Variants in CHAF1A observed in about 807,000 individuals in gnomAD.
CHAF1A encodes chromatin assembly factor 1 subunit A.
A neutral mutation model predicts 93.2 loss-of-function variants in CHAF1A; 5 were observed. That is an observed-to-expected ratio of 0.05 (90% CI 0.03 to 0.11). The LOEUF is 0.11. Among genes scored for constraint, CHAF1A ranks in the 10% least tolerant of loss-of-function variants. CHAF1A has a pLI of 1.00. For synonymous variants in CHAF1A, 504 were observed against 510.3 expected (o/e 0.99, Z 0.17); for missense variants, 1,102 against 1,259.9 (o/e 0.87, Z 1.90).
intron 3 of CHAF1A, among the ~76,000 whole-genome samples, chr19:4,415,554 G>A (rs531555423): frequency 6.6e-6 from 1 of 152,230 alleles, no homozygotes; most frequent in South Asian, 2.1e-4. Context: ...CCCTCAGCGT[G>A]GGGGAGAGGC....
At chr19:4,448,125 G>T, downstream of CHAF1A, 4 of 607,882 alleles carry the variant, frequency 6.6e-6, no homozygotes, top group Non-Finnish European at 1.2e-5. Flanking sequence ...TTTGCACACG[G>T]GTAAACTGAG....
chr19:4,424,619 C>T (rs1265030098), intron 7 of CHAF1A, among the ~76,000 whole-genome samples: 3 of 152,048 alleles, frequency 2.0e-5, no homozygotes, highest in African/African-American at 4.8e-5. Context: ...CATGTGCCAC[C>T]ATGCCTGGCT....
chr19:4,409,886 C>A, intron 3 of CHAF1A, 127 bp downstream of exon 3: 1 of 1,049,882 alleles, frequency 9.5e-7, no homozygotes, highest in Non-Finnish European at 1.4e-6. Context: ...TCCTGGGACT[C>A]GACGTGGAGT....
chr19:4,448,719 C>G (rs1035047980), downstream of CHAF1A: 3 of 403,856 alleles, frequency 7.4e-6, no homozygotes, highest in African/African-American at 6.1e-5. Context: ...CACACTCTGG[C>G]TTTAGAACTC....
chr19:4,439,256 G>C (rs1035406155), intron 13 of CHAF1A, among the ~76,000 whole-genome samples: 1 of 151,836 alleles, frequency 6.6e-6, no homozygotes, highest in Admixed American at 6.6e-5. Context: ...ACTCCAGCCT[G>C]GGCAACAGAG....
At chr19:4,425,285 C>T (rs1422664795) in intron 7 of CHAF1A, among the ~76,000 whole-genome samples, 1 of 152,088 alleles carries the variant, frequency 6.6e-6, no homozygotes, top group East Asian at 1.9e-4. Flanking sequence ...GAGTATTGCT[C>T]TGTCACCCAT....
downstream of CHAF1A, chr19:4,445,690 G>A (rs1049559915): frequency 7.4e-5 from 117 of 1,572,828 alleles, 1 homozygote; most frequent in African/African-American, 6.3e-4. Context: ...GGAACTCAGC[G>A]GGCAACCTGG....
At chr19:4,420,928 G>A (rs1314319859) in intron 4 of CHAF1A, among the ~76,000 whole-genome samples, 2 of 152,060 alleles carry the variant, frequency 1.3e-5, no homozygotes, top group East Asian at 3.9e-4. Context: ...GCCAGGTGTG[G>A]TGACAGGTGC....
At chr19:4,408,461 C>CCTTTTTTTT (rs1973725517) in intron 2 of CHAF1A, among the ~76,000 whole-genome samples, 1 of 36,012 alleles carries the variant, frequency 2.8e-5, no homozygotes, top group Non-Finnish European at 4.3e-5. Context: ...CGCACCCGGC[C>CCTTTTTTTT]TTTTTTTTTT....
At chr19:4,439,055 C>T (rs1599664775) in intron 13 of CHAF1A, among the ~76,000 whole-genome samples, 1 of 151,600 alleles carries the variant, frequency 6.6e-6, no homozygotes, top group Non-Finnish European at 1.5e-5. Context: ...CCGAGGCAGG[C>T]GGATCACTTG....
rs778745865 is a variant in CHAF1A, at chr19:4,432,226, A to G, written c.2203+19A>G. 1.9e-6 allele frequency: 3 copies of G among 1,582,172 alleles called. No individual in the cohort carries two copies. Among genetic ancestry groups the G allele is most frequent in the Admixed American group, 1.7e-5 (1 of 58,454 alleles). ...GAGCAGAGTGAGTGTGGGCGGGGCC[A>G]GGCCACCCACCTGTTCCTGGGCCCA... On this transcript the variant is annotated intron_variant, in intron 12 of 14. Transcript: ENST00000301280.
intron 8 of CHAF1A, chr19:4,429,128 G>A: frequency 3.4e-6 from 2 of 590,986 alleles, no homozygotes; most frequent in South Asian, 4.2e-5. Flanking sequence ...TTTCCCTGCT[G>A]GTCTCCAGTG....
rs1974189027 is a variant in CHAF1A, at chr19:4,431,894, G to A, written c.1948-58G>A. 3 of 1,543,044 alleles carry A rather than the reference G, an allele frequency of 1.9e-6. No individual in the cohort carries two copies. In the Admixed American group the frequency reaches 5.9e-5, roughly 30 times the overall value. Reference sequence around the variant, plus strand: ...GGCTGGGGACTGGTTCCTCAAAAGAGTGCCCGGGCATAGGGGAGCAAGAAC... The same window carrying A: ...GGCTGGGGACTGGTTCCTCAAAAGAATGCCCGGGCATAGGGGAGCAAGAAC... On this transcript the variant is annotated intron_variant, in intron 11 of 14. Transcript: ENST00000301280.
chr19:4,432,348 A>G lies in CHAF1A; in HGVS notation c.2203+141A>G, dbSNP rs879307706. The G allele has an allele frequency of 6.0e-5, 59 of 983,284 alleles. No homozygotes were observed. In the East Asian group the frequency reaches 1.5e-3, roughly 25 times the overall value. The allele number at this position is 983,284 out of a possible 1,614,324, so 60.9% of individuals were successfully genotyped here. On this transcript the variant is annotated intron_variant, in intron 12 of 14. Coordinates refer to ENST00000301280, the MANE Select transcript of CHAF1A (RefSeq NM_005483.3). ...ACAGAGGCCAGCCCTTTTCCTGTAC[A>G]TGTCCGTACGTTCAATGATGTCCCT...
intron 2 of CHAF1A, 66 bp from the exon 3 acceptor site, chr19:4,408,837 T>G: frequency 3.3e-6 from 5 of 1,527,610 alleles, no homozygotes; most frequent in Non-Finnish European, 4.4e-6. Context: ...AATCAGTAAT[T>G]TTCAAGCTCA....
chr19:4,410,030 A>G (rs539694659), intron 3 of CHAF1A, among the ~76,000 whole-genome samples: 1 of 152,184 alleles, frequency 6.6e-6, no homozygotes, highest in Non-Finnish European at 1.5e-5. Context: ...GTTCACATCT[A>G]ATCAGTGATA....
At chr19:4,440,054 G>A (rs927319699) in intron 13 of CHAF1A, among the ~76,000 whole-genome samples, 3 of 152,216 alleles carry the variant, frequency 2.0e-5, no homozygotes, top group Non-Finnish European at 4.4e-5. Context: ...CAGGCACTGT[G>A]CTCTTACATG....
intron 13 of CHAF1A, among the ~76,000 whole-genome samples, chr19:4,440,470 G>A (rs894446147): frequency 2.0e-5 from 3 of 151,936 alleles, no homozygotes; most frequent in East Asian, 3.9e-4. Context: ...TTAGCTGGGC[G>A]TGATGGCGGG....
intron 12 of CHAF1A, 76 bp from the exon 13 acceptor site, chr19:4,432,994 T>G: frequency 8.5e-7 from 1 of 1,171,320 alleles, no homozygotes; most frequent in Non-Finnish European, 1.2e-6. Context: ...TGAGCTTGTG[T>G]ATGTGTTTTG....
Sources: gnomAD v4.1 joint callset for allele counts (sites outside exome capture counted in the v4.1 genomes callset) on GRCh38, gnomAD v4.1.1 for gene constraint, MANE v1.5 for transcripts, NCBI Gene and HGNC (gene_info 2026-07-23, HGNC 2026-07-21) for gene names.